The following MTSS1 variants were observed in gnomAD, a reference collection of about 807,000 sequenced individuals.
MTSS1 encodes MTSS I-BAR domain containing 1.
In MTSS1, 18 loss-of-function variants were observed where a neutral mutation model predicts 79.0. That is an observed-to-expected ratio of 0.23 (90% CI 0.16 to 0.34). The LOEUF is 0.34. Among genes scored for constraint, MTSS1 ranks in the 10% least tolerant of loss-of-function variants. The probability of loss-of-function intolerance (pLI) is 1.00; values close to 1 mark genes in which losing one functional copy is unlikely to be tolerated. For synonymous variants in MTSS1, 341 were observed against 368.6 expected (o/e 0.93, Z 0.86); for missense variants, 815 against 986.2 (o/e 0.83, Z 2.33).
At chr8:124,660,051 A>AC (rs1164708875) in intron 3 of MTSS1, among the ~76,000 whole-genome samples, 1 of 151,918 alleles carries the variant, frequency 6.6e-6, no homozygotes, top group Non-Finnish European at 1.5e-5. Flanking sequence ...GAAAAGTACC[A>AC]CCCCCCAGAA....
intron 6 of MTSS1, among the ~76,000 whole-genome samples, chr8:124,578,481 G>A (rs574212821): frequency 4.2e-4 from 64 of 152,070 alleles, no homozygotes; most frequent in Non-Finnish European, 6.6e-4. Context: ...CTGCCCCCAG[G>A]TTACACCTTT....
intron 6 of MTSS1, among the ~76,000 whole-genome samples, chr8:124,574,785 T>C (rs1185788006): frequency 6.6e-6 from 1 of 152,180 alleles, no homozygotes; most frequent in Non-Finnish European, 1.5e-5. Context: ...CCCAAGTCCT[T>C]TCTTTCTTCG....
chr8:124,706,487 A>ATG (rs1830403609), intron 1 of MTSS1, among the ~76,000 whole-genome samples: 2 of 152,222 alleles, frequency 1.3e-5, no homozygotes, highest in African/African-American at 4.8e-5. Flanking sequence ...CTGCTACACC[A>ATG]CATTCATCAG....
intron 3 of MTSS1, among the ~76,000 whole-genome samples, chr8:124,639,902 A>G (rs1371230435): frequency 7.1e-6 from 1 of 141,494 alleles, no homozygotes; most frequent in African/African-American, 2.4e-5. Flanking sequence ...ATAAGTAGGC[A>G]GAACAATATA....
chr8:124,621,982 A>T (rs974712936), intron 3 of MTSS1, among the ~76,000 whole-genome samples: 2 of 152,142 alleles, frequency 1.3e-5, no homozygotes, highest in African/African-American at 4.8e-5. Flanking sequence ...GTGATGCACC[A>T]GCACGAGGTG....
In MTSS1 at chr8:124,667,403, G is replaced by A. The variant is rs139016679; in HGVS notation, c.208+32123C>T. Reference sequence around the variant, plus strand: ...CTCATGCCTGTAATCCCAGCACTTCGGGAGGCCGAGGCGGGTGGATCACCT... The same window carrying A: ...CTCATGCCTGTAATCCCAGCACTTCAGGAGGCCGAGGCGGGTGGATCACCT... On this transcript the variant is annotated intron_variant, in intron 3 of 13. Coordinates refer to ENST00000518547, the MANE Select transcript of MTSS1 (RefSeq NM_014751.6). Among the ~76,000 whole-genome samples, 455 of 151,218 alleles carry A rather than the reference G, an allele frequency of 3.0e-3. 1 individual carries two copies. Among genetic ancestry groups the A allele is most frequent in the African/African-American group, 0.011 (439 of 41,198 alleles).
At chr8:124,702,655 G>T (rs1258385953) in intron 2 of MTSS1, among the ~76,000 whole-genome samples, 2 of 152,042 alleles carry the variant, frequency 1.3e-5, no homozygotes, top group Admixed American at 1.3e-4. Flanking sequence ...ACAGGCAAAG[G>T]CCCGAGAGCA....
intron 6 of MTSS1, chr8:124,579,495 G>C (rs1257050195): frequency 2.0e-5 from 3 of 152,196 alleles, no homozygotes; most frequent in Non-Finnish European, 2.9e-5. Flanking sequence ...TTATACTTCA[G>C]AACGGCTAAA....
chr8:124,600,837 G>T (rs905733887), intron 3 of MTSS1, among the ~76,000 whole-genome samples: 3 of 152,196 alleles, frequency 2.0e-5, no homozygotes, highest in African/African-American at 7.2e-5. Context: ...AGAAGGAGCG[G>T]CCCAGAGGGC....
At chr8:124,678,403 A>G (rs1282422682) in intron 3 of MTSS1, among the ~76,000 whole-genome samples, 1 of 152,206 alleles carries the variant, frequency 6.6e-6, no homozygotes, top group Non-Finnish European at 1.5e-5. Context: ...ACTGCTATGA[A>G]GAAATACCCG....
chr8:124,652,077 C>T lies in MTSS1; in HGVS notation c.208+47449G>A, dbSNP rs139352144. Among the ~76,000 whole-genome samples, 422 of 152,360 alleles carry T rather than the reference C, an allele frequency of 2.8e-3. 4 individuals carry two copies. Among genetic ancestry groups the T allele is most frequent in the African/African-American group, 9.5e-3 (396 of 41,590 alleles). On this transcript the variant is annotated intron_variant, in intron 3 of 13. Coordinates refer to ENST00000518547, the MANE Select transcript of MTSS1 (RefSeq NM_014751.6). Reference sequence around the variant, plus strand: ...TTTCAACCACCCCAGGGGTTCCCTTCTCCTAATCCTCCCTGTTTAGTAAGA... The same window carrying T: ...TTTCAACCACCCCAGGGGTTCCCTTTTCCTAATCCTCCCTGTTTAGTAAGA...
chr8:124,573,171 C>T lies in MTSS1; in HGVS notation c.461-4635G>A, dbSNP rs564410843. On this transcript the variant is annotated intron_variant, in intron 6 of 13. Transcript: ENST00000518547. ...GCATGAAAGGTCATTGCCTGTCTAC[C>T]TCATAGCCTCAGCCTTTGTGGGCCA... 8.5e-5 allele frequency among the ~76,000 whole-genome samples: 13 copies of T among 152,354 alleles called. No homozygotes were observed. The South Asian group carries it at 1.4e-3, about 17-fold the overall frequency.
At chr8:124,634,672 C>T (rs1816664888) in intron 3 of MTSS1, among the ~76,000 whole-genome samples, 1 of 151,454 alleles carries the variant, frequency 6.6e-6, no homozygotes, top group Non-Finnish European at 1.5e-5. Flanking sequence ...TTCTGATTTC[C>T]TTGATCTAAA....
rs529087606 is a variant in MTSS1, at chr8:124,624,338, C to T, written c.209-33103G>A. Among the ~76,000 whole-genome samples the T allele has an allele frequency of 3.9e-5, 6 of 152,236 alleles. No homozygotes were observed. In the South Asian group the frequency reaches 1.0e-3, roughly 26 times the overall value. On this transcript the variant is annotated intron_variant, in intron 3 of 13. Transcript: ENST00000518547. ...ACCCGCTTTCTGAGCAGGGAAGGGA[C>T]GTTTTCAGAAGATCCTCAGCCCAGG... is the stretch of plus-strand genomic sequence containing the variant.
Position 124,562,910 on chromosome 8 carries a change from T to C in MTSS1, c.907A>G (p.Ser303Gly), listed in dbSNP as rs1190438206. Residue 303 changes from serine (S) to glycine (G), a missense_variant, in exon 10 of 14, where the codon AGC becomes GGC. Ser to Gly is a moderately conservative substitution (Grantham distance 56). This residue lies in a region of MTSS1 where 590 missense variants were observed against 620.8 expected (regional missense o/e 0.95). Coordinates refer to ENST00000518547, the MANE Select transcript of MTSS1 (RefSeq NM_014751.6). ...GGAGCCTGCTGGGCCAGGTTGGAGC[T>C]GCGGTAGCGGTAATGTGAGCTGGGG... ...HSPSSHYRYR[S>G]SNLAQQAPVR... The C allele has an allele frequency of 6.2e-7, 1 of 1,613,864 alleles. No individual in the cohort carries two copies. Among genetic ancestry groups the C allele is most frequent in the Non-Finnish European group, 8.5e-7 (1 of 1,179,922 alleles).
chr8:124,720,231 G>A lies in MTSS1; in HGVS notation c.72+7653C>T, dbSNP rs116595766. Among the ~76,000 whole-genome samples the A allele has an allele frequency of 5.5e-3, 842 of 152,308 alleles. 7 individuals carry two copies. The highest frequency in any genetic ancestry group is 0.016 in the African/African-American group (647 of 41,574). On this transcript the variant is annotated intron_variant, in intron 1 of 13. Coordinates refer to ENST00000518547, the MANE Select transcript of MTSS1 (RefSeq NM_014751.6). The stretch of plus-strand genomic sequence containing the variant: ...CTGTGTCAAGGAAGCCTGGGAGTCC[G>A]AGTTAGGGAGCACTGGACACATAGC...
At chr8:124,598,335 C>T (rs571862951) in intron 3 of MTSS1, among the ~76,000 whole-genome samples, 19 of 152,176 alleles carry the variant, frequency 1.2e-4, no homozygotes, top group African/African-American at 4.6e-4. Flanking sequence ...TTTTTGTGTC[C>T]TGTGTATTGT....
chr8:124,608,757 T>TGG (rs1209669586), intron 3 of MTSS1, among the ~76,000 whole-genome samples: 1 of 152,154 alleles, frequency 6.6e-6, no homozygotes, highest in Admixed American at 6.5e-5. Context: ...GGGCACTGTG[T>TGG]GGAGGGTGCT....
chr8:124,626,220 T>C (rs1394266140), intron 3 of MTSS1, among the ~76,000 whole-genome samples: 1 of 152,250 alleles, frequency 6.6e-6, no homozygotes, highest in Non-Finnish European at 1.5e-5. Context: ...AGTGGAATTA[T>C]TTCTCACCAC....
Sources: allele counts gnomAD v4.1 joint callset (sites outside exome capture counted in the v4.1 genomes callset), GRCh38; gene constraint gnomAD v4.1.1; regional missense constraint gnomAD v4.1.1; transcripts MANE v1.5; gene names NCBI Gene and HGNC (gene_info 2026-07-23, HGNC 2026-07-21).